The following DMD variants were observed in gnomAD, a reference collection of about 807,000 sequenced individuals.
The protein encoded by DMD is mutant dystrophin.
DMD carries 63 observed loss-of-function variants against 330.1 expected under a neutral mutation model. The observed-to-expected ratio is 0.19, with a 90% CI of 0.16 to 0.24. The LOEUF is 0.24. DMD is among the 10% of genes least tolerant of loss of function. The pLI is 1.00. For synonymous variants in DMD, 1,223 were observed against 959.8 expected (o/e 1.27, Z -5.07); for missense variants, 3,344 against 2,684.1 (o/e 1.25, Z -5.43).
chrX:31,426,765 C>G (rs2063741629), intron 60 of DMD, among the ~76,000 whole-genome samples: 1 of 112,010 alleles, frequency 8.9e-6, no homozygotes, highest in East Asian at 2.8e-4. Context: ...AGATTCCTAC[C>G]TACTAACCTT....
chrX:31,421,938 C>CACACATATATATATATATAT (rs2063412327), intron 60 of DMD, among the ~76,000 whole-genome samples: 1 of 65,090 alleles, frequency 1.5e-5, no homozygotes, highest in Non-Finnish European at 2.7e-5. Flanking sequence ...TATATACACA[C>CACACATATATATATATATAT]ACACATATAT....
intron 63 of DMD, among the ~76,000 whole-genome samples, chrX:31,234,838 T>C (rs1373420497): frequency 9.0e-6 from 1 of 111,284 alleles, no homozygotes; most frequent in African/African-American, 3.3e-5. Flanking sequence ...TGGGCTCAAC[T>C]CTGAATACAG....
At chrX:32,851,557 T>C (rs2081137422) in intron 2 of DMD, among the ~76,000 whole-genome samples, 1 of 112,173 alleles carries the variant, frequency 8.9e-6, no homozygotes, top group Non-Finnish European at 1.9e-5. Context: ...ACTGAACAGA[T>C]AGCCACACAA....
chrX:32,939,200 G>GTA (rs35501288), intron 2 of DMD, among the ~76,000 whole-genome samples: 33,363 of 102,815 alleles, frequency 0.32, 4,362 homozygotes, highest in South Asian at 0.54. Context: ...ATATATATGT[G>GTA]TATATATATA....
intron 33 of DMD, among the ~76,000 whole-genome samples, chrX:32,382,528 T>A (rs2097931449): frequency 1.8e-5 from 2 of 111,274 alleles, no homozygotes; most frequent in African/African-American, 6.5e-5. Flanking sequence ...ATAAAATTCC[T>A]TATTTTCTTT....
intron 61 of DMD, among the ~76,000 whole-genome samples, chrX:31,347,001 C>CAAAAAAAA (rs1225596180): frequency 1.6e-3 from 15 of 9,567 alleles, no homozygotes; most frequent in Non-Finnish European, 1.8e-3. Context: ...GGCTCCCTCT[C>CAAAAAAAA]AAAAAAAAAA....
chrX:31,874,347 G>C (rs1321634355), intron 48 of DMD, among the ~76,000 whole-genome samples: 1 of 110,887 alleles, frequency 9.0e-6, no homozygotes, highest in African/African-American at 3.3e-5. Flanking sequence ...AAGATAGAAA[G>C]GTAAAGTGTA....
At chrX:31,951,161 A>ATATATGTG (rs1569521313) in intron 45 of DMD, among the ~76,000 whole-genome samples, 35 of 86,901 alleles carry the variant, frequency 4.0e-4, no homozygotes, top group African/African-American at 1.6e-3. Flanking sequence ...ATATATATGT[A>ATATATGTG]TATATATATA....
intron 5 of DMD, among the ~76,000 whole-genome samples, chrX:32,819,355 T>C (rs932215871): frequency 2.7e-5 from 3 of 110,992 alleles, no homozygotes; most frequent in Admixed American, 9.6e-5. Context: ...ATCCCTTGAA[T>C]TGTCCAGTAA....
intron 1 of DMD, among the ~76,000 whole-genome samples, chrX:33,146,281 G>C (rs896187998): frequency 2.7e-5 from 3 of 110,601 alleles, no homozygotes; most frequent in African/African-American, 9.9e-5. Flanking sequence ...CTTTCTCCAC[G>C]TCCCCAGGCC....
At chrX:32,598,631 T>G (rs896188624) in intron 12 of DMD, among the ~76,000 whole-genome samples, 1 of 112,225 alleles carries the variant, frequency 8.9e-6, no homozygotes, top group Non-Finnish European at 1.9e-5. Context: ...AAGAAAAACA[T>G]TGGATCCATG....
rs1376709089 is a variant in DMD, at chrX:32,646,506, G to A, written c.961-1354C>T. On this transcript the variant is annotated intron_variant, in intron 9 of 78. Coordinates refer to ENST00000357033, the MANE Select transcript of DMD (RefSeq NM_004006.3). Reference sequence around the variant, plus strand: ...AAGCACGGGGCCCCCTAACAAACAGGGTTTTGTAAAGGAATCAAAAAGCAG... The same window carrying A: ...AAGCACGGGGCCCCCTAACAAACAGAGTTTTGTAAAGGAATCAAAAAGCAG... 1.1e-4 allele frequency among the ~76,000 whole-genome samples: 12 copies of A among 110,981 alleles called. No individual in the cohort carries two copies. In the East Asian group the frequency reaches 3.4e-3, roughly 32 times the overall value.
Position 31,929,608 on chromosome X carries a change from G to A in DMD, c.6900C>T (p.Leu2300=), listed in dbSNP as rs200493074. The A allele has an allele frequency of 3.1e-5, 37 of 1,209,126 alleles. No individual in the cohort carries two copies. The highest frequency in any genetic ancestry group is 2.3e-4 in the Middle Eastern group (1 of 4,353). ...GTTAATGTCTAACCTTTATCCACTGGAGATTTGTCTGCTTGAGCTTATTTT... is the reference window on the plus strand; with the variant it reads ...GTTAATGTCTAACCTTTATCCACTGAAGATTTGTCTGCTTGAGCTTATTTT... The part of the protein sequence containing the change: ...KLENKLKQTN[L]QWIKVSRALP... Residue 2300 remains leucine, a synonymous_variant, in exon 47 of 79, where the codon CTC becomes CTT. Transcript: ENST00000357033.
chrX:31,685,064 C>G (rs1166721616), intron 52 of DMD, among the ~76,000 whole-genome samples: 2 of 111,705 alleles, frequency 1.8e-5, no homozygotes, highest in Admixed American at 9.5e-5. Context: ...ACTAGGGTAT[C>G]TAGATAAATA....
chrX:31,569,614 G>A (rs371108332), intron 55 of DMD, among the ~76,000 whole-genome samples: 3 of 98,701 alleles, frequency 3.0e-5, no homozygotes, highest in Non-Finnish European at 6.1e-5. Context: ...ATGTATATAC[G>A]TATATATACG....
intron 1 of DMD, among the ~76,000 whole-genome samples, chrX:33,151,772 G>GA (rs200987783): frequency 1.8e-5 from 2 of 111,241 alleles, no homozygotes; most frequent in African/African-American, 6.5e-5. Context: ...TATTTCTGAA[G>GA]AAAAAAAAGA....
At chrX:32,441,726 T>C (rs1393543082) in intron 27 of DMD, among the ~76,000 whole-genome samples, 2 of 111,462 alleles carry the variant, frequency 1.8e-5, no homozygotes, top group African/African-American at 6.5e-5. Context: ...TTTAAGTGAG[T>C]TTAACTATAG....
intron 64 of DMD, among the ~76,000 whole-genome samples, chrX:31,219,201 C>T (rs186244117): frequency 0.022 from 2,444 of 111,239 alleles, 65 homozygotes; most frequent in African/African-American, 0.076. Flanking sequence ...TTCTCCTACC[C>T]AACAGGGACT....
chrX:33,106,727 CT>C (rs1376344410), intron 1 of DMD, among the ~76,000 whole-genome samples: 2 of 111,925 alleles, frequency 1.8e-5, no homozygotes, highest in Non-Finnish European at 3.8e-5. Flanking sequence ...CTATTTTCCC[CT>C]ATTCACTTCC....
Sources: gnomAD v4.1 joint callset for allele counts (sites outside exome capture counted in the v4.1 genomes callset) on GRCh38, gnomAD v4.1.1 for gene constraint, MANE v1.5 for transcripts, NCBI Gene and HGNC (gene_info 2026-07-23, HGNC 2026-07-21) for gene names.